The following PIGN variants were observed in gnomAD, a reference collection of about 807,000 sequenced individuals.
PIGN encodes GPI ethanolamine phosphate transferase 1.
PIGN carries 117 observed loss-of-function variants against 125.4 expected under a neutral mutation model. The ratio of observed to expected loss-of-function variants is 0.93; its 90% CI spans 0.80 to 1.09. The LOEUF is 1.09. Ranked by LOEUF, PIGN falls within the 50% of genes least tolerant of loss-of-function variation. PIGN has a pLI of 0.00. For missense variants in PIGN, 1,075 were observed against 1,094.9 expected (o/e 0.98, Z 0.26); for synonymous variants, 392 against 377.8 (o/e 1.04, Z -0.44).
chr18:62,161,794 T>C (rs1273467171), intron 3 of PIGN, among the ~76,000 whole-genome samples: 1 of 152,212 alleles, frequency 6.6e-6, no homozygotes, highest in Non-Finnish European at 1.5e-5. Flanking sequence ...GTTGTACATA[T>C]GACAATCATT....
intron 28 of PIGN, among the ~76,000 whole-genome samples, chr18:62,077,209 C>A (rs981742823): frequency 1.3e-5 from 2 of 152,118 alleles, no homozygotes; most frequent in Non-Finnish European, 2.9e-5. Flanking sequence ...GAAAACCCGG[C>A]TCTACTAAAA....
At position 62,158,420 on chromosome 18, in the gene PIGN, AAGGGGAGGGAAAATGGCTAC is replaced by A. The variant is rs1216530629; in HGVS notation, c.222-632_222-613del. Among the ~76,000 whole-genome samples the A allele has an allele frequency of 9.0e-4, 137 of 152,306 alleles. 1 individual carries two copies. The highest frequency in any genetic ancestry group is 3.2e-3 in the African/African-American group (132 of 41,562). Reference sequence around the variant, plus strand: ...TTAGTTGAAAAATTCTTAAAAAACTAAGGGGAGGGAAAATGGCTACACTCCTAATTAGGAGTTAAATTATA... The same window carrying A: ...TTAGTTGAAAAATTCTTAAAAAACTAACTCCTAATTAGGAGTTAAATTATA... On this transcript the variant is annotated intron_variant, in intron 4 of 30. Transcript: ENST00000640252.
At chr18:62,110,503 C>G (rs4130430) in intron 16 of PIGN, among the ~76,000 whole-genome samples, 25,954 of 152,086 alleles carry the variant, frequency 0.17, 2,941 homozygotes, top group Middle Eastern at 0.29. Context: ...ATTCATCAAT[C>G]TAATTCACTA....
intron 25 of PIGN, 105 bp downstream of exon 25, chr18:62,088,651 T>C (rs1027634122): frequency 2.9e-6 from 2 of 689,690 alleles, no homozygotes; most frequent in Non-Finnish European, 5.1e-6. Context: ...GAGGTTAAAG[T>C]ACTTAACACC....
chr18:62,051,623 T>A (rs2031298335), intron 30 of PIGN, among the ~76,000 whole-genome samples: 1 of 152,108 alleles, frequency 6.6e-6, no homozygotes, highest in African/African-American at 2.4e-5. Flanking sequence ...TAGTGGTCTA[T>A]CAATTTTGTT....
At chr18:62,175,883 T>C (rs549673683) in intron 1 of PIGN, among the ~76,000 whole-genome samples, 4 of 152,324 alleles carry the variant, frequency 2.6e-5, no homozygotes, top group South Asian at 4.1e-4. Context: ...TTGGGGAATA[T>C]GGCAGGAAGA....
chr18:62,098,448 A>G (rs925501883), intron 22 of PIGN, among the ~76,000 whole-genome samples: 2 of 152,184 alleles, frequency 1.3e-5, no homozygotes, highest in Non-Finnish European at 2.9e-5. Context: ...ATAAAAAGCA[A>G]ATAATAAAAG....
chr18:62,067,602 TTAACTC>T (rs948561476), intron 30 of PIGN, among the ~76,000 whole-genome samples: 2 of 152,224 alleles, frequency 1.3e-5, no homozygotes, highest in African/African-American at 4.8e-5. Flanking sequence ...TCTGGTTTCT[TTAACTC>T]TATAAAGTAT....
intron 23 of PIGN, among the ~76,000 whole-genome samples, chr18:62,019,399 A>T (rs1050873534): frequency 6.6e-6 from 1 of 152,232 alleles, no homozygotes; most frequent in Non-Finnish European, 1.5e-5. Flanking sequence ...TTAGACTAAC[A>T]AAACAAATAG....
intron 20 of PIGN, 141 bp from the exon 21 acceptor site, chr18:62,103,043 T>C (rs2034506626): frequency 2.3e-6 from 1 of 432,516 alleles, no homozygotes; most frequent in African/African-American, 2.0e-5. Context: ...AATGGGTACA[T>C]TTTCAGATTT....
At chr18:62,054,697 A>T (rs2031591615) in intron 30 of PIGN, among the ~76,000 whole-genome samples, 1 of 151,802 alleles carries the variant, frequency 6.6e-6, no homozygotes, top group African/African-American at 2.4e-5. Flanking sequence ...TTGCCATGTT[A>T]CCCAGGCTGG....
rs1295166083 is a variant in PIGN at position 62,071,880 on chromosome 18, A to ATG, written c.2672+792_2672+793insCA. Reference sequence around the variant, plus strand: ...TCCTTTTCCATATATATATATATATATATATATATATATATATATATATAT... The same window carrying ATG: ...TCCTTTTCCATATATATATATATATATGTATATATATATATATATATATATAT... On this transcript the variant is annotated intron_variant, in intron 30 of 30. Transcript: ENST00000640252. Among the ~76,000 whole-genome samples, 141 of 95,444 alleles carry ATG rather than the reference A, an allele frequency of 1.5e-3. 3 individuals are homozygous for ATG. The highest frequency in any genetic ancestry group is 8.3e-3 in the African/African-American group (139 of 16,834). The allele number at this position is 95,444 out of a possible 152,430, so 62.6% of individuals were successfully genotyped here. A position where few individuals can be genotyped will look rare whatever the true frequency, so the allele number is the denominator to read the frequency against.
chr18:62,139,910 G>C lies in PIGN; in HGVS notation c.1023+510C>G, dbSNP rs866943414. ...AGGTTATTACAAGGCTGGTTTTCAA[G>C]CACCACTTTGTTTCAGCAAATCACC... On this transcript the variant is annotated intron_variant, in intron 12 of 30. Coordinates refer to ENST00000640252, the MANE Select transcript of PIGN (RefSeq NM_176787.5). Among the ~76,000 whole-genome samples the C allele has an allele frequency of 4.6e-5, 7 of 152,108 alleles. No individual in the cohort carries two copies. The East Asian group carries it at 1.2e-3, about 25-fold the overall frequency.
chr18:62,087,102 T>C lies in PIGN; in HGVS notation c.2370+1654A>G, dbSNP rs185580718. On this transcript the variant is annotated intron_variant, in intron 25 of 30. Transcript: ENST00000640252. ...AAAACACATCTTAGAGTTGTTTGCA[T>C]AGAAGTGTCTACCAAAGTTACAGGA... 4.6e-5 allele frequency among the ~76,000 whole-genome samples: 7 copies of C among 152,218 alleles called. No homozygotes were observed. In the East Asian group the frequency reaches 1.4e-3, roughly 29 times the overall value.
Position 62,143,348 on chromosome 18 carries a change from T to C in PIGN, c.923-2A>G. 1 of 1,518,164 alleles carries C rather than the reference T, an allele frequency of 6.6e-7. No individual in the cohort carries two copies. Among genetic ancestry groups the C allele is most frequent in the Non-Finnish European group, 9.0e-7 (1 of 1,105,038 alleles). The allele number at this position is 1,518,164 out of a possible 1,614,324, so 94.0% of individuals were successfully genotyped here. ...TCTTCCAATTCTCCAATCTCCACTC[T>C]GAAAGATACAATCAGACACAAGATC... On this transcript the variant is annotated splice_acceptor_variant, in intron 10 of 30. Transcript: ENST00000640252. LOFTEE classifies it high-confidence loss of function.
In PIGN at chr18:62,033,217, T is replaced by C. The variant is rs563733001; in HGVS notation, c.2143-15476A>G. ...GAGCACTGCATCCCCCCAAGACCCC[T>C]TTAATAGAAATCCACGCAAATAAGA... is the stretch of plus-strand genomic sequence containing the variant. On this transcript the variant is annotated intron_variant, in intron 23 of 24. Coordinates refer to the PIGN transcript ENST00000639600. Among the ~76,000 whole-genome samples, 12 of 152,322 alleles carry C rather than the reference T, an allele frequency of 7.9e-5. No individual in the cohort carries two copies. In the South Asian group the frequency reaches 2.3e-3, roughly 29 times the overall value.
intron 11 of PIGN, among the ~76,000 whole-genome samples, chr18:62,142,545 T>C (rs62097175): frequency 0.17 from 25,740 of 152,132 alleles, 2,936 homozygotes; most frequent in Middle Eastern, 0.29. Context: ...ACTATTCTTA[T>C]TTTGCTGGGA....
chr18:62,147,190 A>G, intron 8 of PIGN, 89 bp from the exon 9 acceptor site: 3 of 1,393,792 alleles, frequency 2.2e-6, no homozygotes, highest in Non-Finnish European at 2.9e-6. Flanking sequence ...AAAATCAGTA[A>G]CTTCTGAAAT....
At chr18:62,039,741 G>T (rs1254733390), downstream of PIGN, among the ~76,000 whole-genome samples, 1 of 83,414 alleles carries the variant, frequency 1.2e-5, no homozygotes, top group Non-Finnish European at 2.9e-5. Context: ...CATGTTTAGG[G>T]CCCCATCCAG....
Sources: gnomAD v4.1 joint callset for allele counts (sites outside exome capture counted in the v4.1 genomes callset) on GRCh38, gnomAD v4.1.1 for gene constraint, MANE v1.5 for transcripts, NCBI Gene and HGNC (gene_info 2026-07-23, HGNC 2026-07-21) for gene names.